The following GRIN2B variants were observed in gnomAD, a reference collection of about 807,000 sequenced individuals.
The protein encoded by GRIN2B is glutamate receptor ionotropic, NMDA 2B.
Under a neutral mutation model 114.5 loss-of-function variants are expected in GRIN2B, and 5 were observed. That is an observed-to-expected ratio of 0.04 (90% CI 0.02 to 0.09). The LOEUF (loss-of-function observed/expected upper bound fraction) is 0.09, where lower values mean the gene tolerates loss of function less well. Among genes scored for constraint, GRIN2B ranks in the 10% least tolerant of loss-of-function variants. The pLI, the probability that GRIN2B is intolerant of heterozygous loss-of-function variation, is 1.00. For synonymous variants in GRIN2B, 787 were observed against 745.1 expected, an observed-to-expected ratio of 1.06 and a Z score of -0.92; for missense variants, 1,108 against 1,943.5, an observed-to-expected ratio of 0.57 and a Z score of 8.08.
chr12:13,631,284 G>A (rs768252599), intron 5 of GRIN2B, among the ~76,000 whole-genome samples: 35 of 152,204 alleles, frequency 2.3e-4, no homozygotes, highest in Non-Finnish European at 4.0e-4. Flanking sequence ...AGAGATTTTC[G>A]CCAAGAGCAT....
chr12:13,655,677 T>C (rs1949857162), intron 5 of GRIN2B, among the ~76,000 whole-genome samples: 1 of 152,208 alleles, frequency 6.6e-6, no homozygotes, highest in Non-Finnish European at 1.5e-5. Context: ...TGTTGGCCTA[T>C]ATTTGTTTTT....
intron 3 of GRIN2B, among the ~76,000 whole-genome samples, chr12:13,822,823 T>A (rs1349020473): frequency 6.6e-6 from 1 of 152,120 alleles, no homozygotes; most frequent in East Asian, 1.9e-4. Context: ...GGCGTTCCAA[T>A]CTTTCTTACA....
chr12:13,588,345 T>A (rs1052224795), intron 10 of GRIN2B, among the ~76,000 whole-genome samples: 1 of 152,192 alleles, frequency 6.6e-6, no homozygotes, highest in Non-Finnish European at 1.5e-5. Context: ...ACATGACCAG[T>A]TGTTGGGAGT....
At chr12:13,788,324 A>G (rs1304898366) in intron 3 of GRIN2B, among the ~76,000 whole-genome samples, 3 of 152,224 alleles carry the variant, frequency 2.0e-5, no homozygotes, top group African/African-American at 7.2e-5. Context: ...AACAGAATGG[A>G]CTAAGTTTCC....
intron 2 of GRIN2B, among the ~76,000 whole-genome samples, chr12:13,950,519 A>G (rs1867461131): frequency 6.6e-6 from 1 of 152,208 alleles, no homozygotes; most frequent in African/African-American, 2.4e-5. Context: ...ATACATGGAA[A>G]AGCATTTAGC....
chr12:13,834,632 G>A (rs529967020), intron 3 of GRIN2B, among the ~76,000 whole-genome samples: 16 of 152,154 alleles, frequency 1.1e-4, no homozygotes, highest in East Asian at 1.9e-4. Context: ...CTCTCCCTTC[G>A]GCCCTTTCAC....
intron 4 of GRIN2B, among the ~76,000 whole-genome samples, chr12:13,741,329 C>A (rs900669288): frequency 2.0e-5 from 3 of 152,186 alleles, no homozygotes; most frequent in Non-Finnish European, 4.4e-5. Flanking sequence ...CGCGCCCAGA[C>A]AGGAAACTCT....
intron 4 of GRIN2B, among the ~76,000 whole-genome samples, chr12:13,733,140 A>G (rs547564108): frequency 3.9e-5 from 6 of 152,188 alleles, no homozygotes; most frequent in African/African-American, 9.7e-5. Flanking sequence ...GGTACGTGCA[A>G]CAGGAAGGAT....
intron 3 of GRIN2B, among the ~76,000 whole-genome samples, chr12:13,784,223 C>CAAAA (rs56197649): frequency 1.4e-4 from 10 of 71,906 alleles, no homozygotes; most frequent in African/African-American, 5.9e-4. Flanking sequence ...GACTTCGCCT[C>CAAAA]AAAAAAAAAA....
At position 13,932,986 on chromosome 12, in the gene GRIN2B, T is replaced by TGTGTGTGTGTGC. The variant is rs61241187; in HGVS notation, c.-19+46941_-19+46942insGCACACACACAC. On this transcript the variant is annotated intron_variant, in intron 2 of 13. Coordinates refer to ENST00000609686, the MANE Select transcript of GRIN2B (RefSeq NM_000834.5). ...GTGTGTGTGTGTGTGTGTGTGTGTG[T>TGTGTGTGTGTGC]GCGTGTGCGTGTGTGTGTGTTTGTG... Among the ~76,000 whole-genome samples, 1,342 of 148,366 alleles carry TGTGTGTGTGTGC rather than the reference T, an allele frequency of 9.0e-3. 5 individuals are homozygous for TGTGTGTGTGTGC. Among genetic ancestry groups the TGTGTGTGTGTGC allele is most frequent in the Middle Eastern group, 0.021 (6 of 288 alleles).
chr12:13,640,649 C>T (rs1430583218), intron 5 of GRIN2B, among the ~76,000 whole-genome samples: 5 of 152,140 alleles, frequency 3.3e-5, no homozygotes, highest in African/African-American at 1.2e-4. Flanking sequence ...TCAAGCATCA[C>T]AGTGATGGCT....
At position 13,553,864 on chromosome 12, in the gene GRIN2B, A is replaced by G. The variant is rs1948446757; in HGVS notation, c.*8919T>C. On this transcript the variant is annotated 3_prime_UTR_variant, in exon 14 of 14. Coordinates refer to ENST00000609686, the MANE Select transcript of GRIN2B (RefSeq NM_000834.5). ...CTTACTTGAACACATGTAGTGTTCC[A>G]AGTACACTTTCCTAACCATAAAACA... The G allele has an allele frequency of 6.6e-6, 1 of 152,218 alleles. No individual in the cohort carries two copies. The highest frequency in any genetic ancestry group is 6.5e-5 in the Admixed American group (1 of 15,286). 9.4% of individuals were successfully genotyped at this position (152,218 alleles called of 1,614,324 possible).
chr12:13,830,880 G>A (rs879932452), intron 3 of GRIN2B, among the ~76,000 whole-genome samples: 10 of 152,152 alleles, frequency 6.6e-5, no homozygotes, highest in Non-Finnish European at 1.3e-4. Context: ...GGTACATATG[G>A]AAAAATGCAA....
intron 2 of GRIN2B, among the ~76,000 whole-genome samples, chr12:13,871,136 A>T (rs1865898626): frequency 6.6e-6 from 1 of 152,208 alleles, no homozygotes; most frequent in Non-Finnish European, 1.5e-5. Flanking sequence ...GATCTTATTA[A>T]CTAAGACATA....
rs1181193240 is a variant in GRIN2B, at chr12:13,778,677, G to T, written c.412-24762C>A. 4.6e-5 allele frequency among the ~76,000 whole-genome samples: 7 copies of T among 152,250 alleles called. No homozygotes were observed. In the East Asian group the frequency reaches 1.4e-3, roughly 29 times the overall value. ...TTTAATCAAGTGGCTCATCAAGAAC[G>T]ATCTTACTTGATTCCATTTTATTTG... On this transcript the variant is annotated intron_variant, in intron 3 of 13. Coordinates refer to ENST00000609686, the MANE Select transcript of GRIN2B (RefSeq NM_000834.5).
rs374162407 is a variant in GRIN2B, at chr12:13,835,328, T to C, written c.411+30470A>G. Among the ~76,000 whole-genome samples, 7 of 152,298 alleles carry C rather than the reference T, an allele frequency of 4.6e-5. No individual in the cohort carries two copies. The South Asian group carries it at 1.0e-3, about 23-fold the overall frequency. ...GTGGTACAGAAAAAGCTGAGGCGCA[T>C]GCACCCTCATTTATCCTGAATCCTG... On this transcript the variant is annotated intron_variant, in intron 3 of 13. Transcript: ENST00000609686.
Position 13,711,829 on chromosome 12 carries a change from A to G in GRIN2B, c.1011-35970T>C, listed in dbSNP as rs572998589. Reference sequence around the variant, plus strand: ...GTGGAAGTCAGTGTGGCGATTCCTCAGGGATCTAGAACTAGAAATACCATT... The same window carrying G: ...GTGGAAGTCAGTGTGGCGATTCCTCGGGGATCTAGAACTAGAAATACCATT... On this transcript the variant is annotated intron_variant, in intron 4 of 13. Coordinates refer to ENST00000609686, the MANE Select transcript of GRIN2B (RefSeq NM_000834.5). Among the ~76,000 whole-genome samples the G allele has an allele frequency of 1.4e-4, 22 of 152,320 alleles. No homozygotes were observed. In the East Asian group the frequency reaches 4.1e-3, roughly 28 times the overall value.
In GRIN2B at chr12:13,549,862, G is replaced by A. The variant is rs1246679632; in HGVS notation, c.*12921C>T. 6.6e-6 allele frequency: 1 copy of A among 152,052 alleles called. No individual in the cohort carries two copies. The highest frequency in any genetic ancestry group is 2.1e-4 in the South Asian group (1 of 4,824). 9.4% of individuals were successfully genotyped at this position (152,052 alleles called of 1,614,324 possible). On this transcript the variant is annotated 3_prime_UTR_variant, in exon 14 of 14. Coordinates refer to ENST00000609686, the MANE Select transcript of GRIN2B (RefSeq NM_000834.5). ...ACTTGTCTCTGTAGATGTATGTGGAGTGTGTGTGTGTCTACAAAGGGAAAT... is the reference window on the plus strand; with the variant it reads ...ACTTGTCTCTGTAGATGTATGTGGAATGTGTGTGTGTCTACAAAGGGAAAT...
intron 4 of GRIN2B, among the ~76,000 whole-genome samples, chr12:13,739,207 C>T (rs1361678182): frequency 6.6e-6 from 1 of 151,530 alleles, no homozygotes; most frequent in East Asian, 1.9e-4. Context: ...ATGGAAAAAC[C>T]CTGTCTCTAC....
Sources: allele counts gnomAD v4.1 joint callset (sites outside exome capture counted in the v4.1 genomes callset), GRCh38; gene constraint gnomAD v4.1.1; transcripts MANE v1.5; gene names NCBI Gene and HGNC (gene_info 2026-07-23, HGNC 2026-07-21).